PGLYRP1: variants seen among roughly 807,000 people sequenced by gnomAD.
PGLYRP1 encodes the protein peptidoglycan recognition protein 1.
In PGLYRP1, 18 loss-of-function variants were observed where a neutral mutation model predicts 16.3. The ratio of observed to expected loss-of-function variants is 1.11; its 90% CI spans 0.77 to 1.64. PGLYRP1 has a LOEUF of 1.64. Among genes scored for constraint, PGLYRP1 ranks in the 40% most tolerant of loss-of-function variants. The probability of loss-of-function intolerance (pLI) is 0.00; values close to 1 mark genes in which losing one functional copy is unlikely to be tolerated. For missense variants in PGLYRP1, 261 were observed against 268.6 expected (o/e 0.97, Z 0.20); for synonymous variants, 89 against 105.7 (o/e 0.84, Z 0.97).
rs866751496 is a variant in PGLYRP1, at chr19:46,019,366, C to G, written c.463G>C (p.Gly155Arg). ...GACCTCAGGGCTCCCTGAGCCACAC[C>G]GCAGGCCAGTAGACCCTGGGCTGCC... is the stretch of plus-strand genomic sequence containing the variant. ...IRAAQGLLAC[G>R]VAQGALRSNY... Residue 155 changes from glycine (G) to arginine (R), a missense_variant, in exon 3 of 3, where the codon GGT (glycine) becomes CGT (arginine). Gly to Arg is a moderately radical substitution (Grantham distance 125). Transcript: ENST00000008938. The surrounding 1 kb of genome is among the most constrained non-coding windows in gnomAD (Gnocchi z 4.8). 1 of 1,613,822 alleles carries G rather than the reference C, an allele frequency of 6.2e-7. No homozygotes were observed. Among genetic ancestry groups the G allele is most frequent in the Non-Finnish European group, 8.5e-7 (1 of 1,179,954 alleles).
chr19:46,022,885 C>T lies in PGLYRP1; in HGVS notation c.137G>A (p.Cys46Tyr). The T allele has an allele frequency of 6.2e-7, 1 of 1,613,256 alleles. No homozygotes were observed. The change falls in exon 1 of 3, where the codon TGC becomes TAC. Residue 46 changes from cysteine to tyrosine, a missense_variant. Coordinates refer to ENST00000008938, the MANE Select transcript of PGLYRP1 (RefSeq NM_005091.3). ...TAAGGGCAGGCTCAGGTGCTGGGCG[C>T]ACTCTGATGCCAGGGCCTTCCACTC... ...RNEWKALASE[C>Y]AQHLSLPLRY...
rs1270443678 is a variant in PGLYRP1, at chr19:46,019,650, G to T, written c.288-3C>A. 2 of 1,612,386 alleles carry T rather than the reference G, an allele frequency of 1.2e-6. No individual in the cohort carries two copies. The highest frequency in any genetic ancestry group is 4.5e-5 in the East Asian group (2 of 44,864). On this transcript the variant is annotated splice_polypyrimidine_tract_variant and splice_region_variant and intron_variant, in intron 1 of 2. Transcript: ENST00000008938. This position sits in a 1 kb window ranked among gnomAD's most constrained non-coding sequence, Gnocchi z 4.8. The stretch of plus-strand genomic sequence containing the variant: ...GCCCGTCTTCTCCAATCAGGAAGCT[G>T]CATGGGGAGGTGGGGGGGCTTGATG...
intron 1 of PGLYRP1, among the ~76,000 whole-genome samples, chr19:46,022,496 G>A (rs929040560): frequency 3.3e-5 from 5 of 152,372 alleles, no homozygotes; most frequent in East Asian, 1.9e-4. Flanking sequence ...TCCCGGGAGC[G>A]GGAGCGGGGC....
rs775787475 is a variant in PGLYRP1 at position 46,019,667 on chromosome 19, G to T, written c.288-20C>A. 24 of 1,608,354 alleles carry T rather than the reference G, an allele frequency of 1.5e-5. No homozygotes were observed. The Admixed American group carries it at 3.9e-4, about 26-fold the overall frequency. ...AGGAAGCTGCATGGGGAGGTGGGGG[G>T]GCTTGATGAGTGAGGGAGGGTTTCC... On this transcript the variant is annotated intron_variant, in intron 1 of 2. Transcript: ENST00000008938. This position sits in a 1 kb window ranked among gnomAD's most constrained non-coding sequence, Gnocchi z 4.8.
intron 1 of PGLYRP1, among the ~76,000 whole-genome samples, chr19:46,021,922 C>T (rs938220825): frequency 6.6e-6 from 1 of 152,194 alleles, no homozygotes; most frequent in Non-Finnish European, 1.5e-5. Flanking sequence ...TCTGCTCCCC[C>T]ATCCCAGAGC....
chr19:46,019,375 G>A lies in PGLYRP1; in HGVS notation c.454C>T (p.Leu152=), dbSNP rs1368366220. 6.2e-7 allele frequency: 1 copy of A among 1,613,788 alleles called. No individual in the cohort carries two copies. The highest frequency in any genetic ancestry group is 8.5e-7 in the Non-Finnish European group (1 of 1,179,952). The change falls in exon 3 of 3, where the codon CTG becomes TTG. Residue 152 remains leucine, a synonymous_variant. Transcript: ENST00000008938. This position sits in a 1 kb window ranked among gnomAD's most constrained non-coding sequence, Gnocchi z 4.8. ...PQAIRAAQGL[L]ACGVAQGALR... ...GCTCCCTGAGCCACACCGCAGGCCA[G>A]TAGACCCTGGGCTGCCCGGATGGCC...
intron 1 of PGLYRP1, among the ~76,000 whole-genome samples, chr19:46,020,452 A>G (rs1316970290): frequency 6.6e-6 from 1 of 152,116 alleles, no homozygotes; most frequent in East Asian, 1.9e-4. Flanking sequence ...CAGAGAGAGC[A>G]GAGACTCAGA....
chr19:46,022,018 T>G (rs1969049745), intron 1 of PGLYRP1, among the ~76,000 whole-genome samples: 1 of 152,008 alleles, frequency 6.6e-6, no homozygotes. Context: ...GAGGTCACCC[T>G]CCCTCACCTC....
Position 46,019,586 on chromosome 19 carries a change from G to T in PGLYRP1, c.349C>A (p.His117Asn). 6.2e-7 allele frequency: 1 copy of T among 1,613,966 alleles called. No homozygotes were observed. The highest frequency in any genetic ancestry group is 8.5e-7 in the Non-Finnish European group (1 of 1,179,914). Residue 117 changes from histidine (H) to asparagine (N), a missense_variant, in exon 2 of 3, where the codon CAC becomes AAC. Physicochemically the swap from His to Asn is moderately conservative, Grantham distance 68. Transcript: ENST00000008938. The surrounding 1 kb of genome is among the most constrained non-coding windows in gnomAD (Gnocchi z 4.8). ...ATGGGGTTCCATAAGTGACCTGAGT[G>T]GGCACCCGTGAAGTTCCAGCCACGG... The part of the protein sequence containing the change: ...EGRGWNFTGA[H>N]SGHLWNPMSI...
chr19:46,022,480 CCTT>C lies in PGLYRP1; in HGVS notation c.287+252_287+254del, dbSNP rs557998647. Among the ~76,000 whole-genome samples, 3 of 152,378 alleles carry C rather than the reference CCTT, an allele frequency of 2.0e-5. No individual in the cohort carries two copies. In the South Asian group the frequency reaches 6.2e-4, roughly 32 times the overall value. Reference sequence around the variant, plus strand: ...TGGTGTGTGTTAGGCAAAGCCTGCCCCTTCTTCCCGGGAGCGGGAGCGGGGCTT... The same window carrying C: ...TGGTGTGTGTTAGGCAAAGCCTGCCCCTTCCCGGGAGCGGGAGCGGGGCTT... On this transcript the variant is annotated intron_variant, in intron 1 of 2. Coordinates refer to ENST00000008938, the MANE Select transcript of PGLYRP1 (RefSeq NM_005091.3).
chr19:46,022,290 CG>C (rs1162175831), intron 1 of PGLYRP1, among the ~76,000 whole-genome samples: 2 of 152,162 alleles, frequency 1.3e-5, no homozygotes, highest in Admixed American at 6.5e-5. Context: ...TTGACTTTGC[CG>C]AGGAGGAAGC....
In PGLYRP1 at chr19:46,019,176, G is replaced by A. The variant is rs1969015150; in HGVS notation, c.*62C>T. 2 of 1,431,252 alleles carry A rather than the reference G, an allele frequency of 1.4e-6. No homozygotes were observed. Among genetic ancestry groups the A allele is most frequent in the Non-Finnish European group, 2.0e-6 (2 of 1,016,556 alleles). The allele number at this position is 1,431,252 out of a possible 1,614,324, so 88.7% of individuals were successfully genotyped here. ...CATTTTGAGCTACATCTTTATTGGAGAAGGAGACAGTGGGGTTTTTGGCCA... is the reference window on the plus strand; with the variant it reads ...CATTTTGAGCTACATCTTTATTGGAAAAGGAGACAGTGGGGTTTTTGGCCA... On this transcript the variant is annotated 3_prime_UTR_variant, in exon 3 of 3. Coordinates refer to ENST00000008938, the MANE Select transcript of PGLYRP1 (RefSeq NM_005091.3). The surrounding 1 kb of genome is among the most constrained non-coding windows in gnomAD (Gnocchi z 4.8).
In PGLYRP1 at chr19:46,022,755, G is replaced by A. The variant is rs1568702113; in HGVS notation, c.267C>T (p.Gly89=). The change falls in exon 1 of 3, where the codon GGC becomes GGT. Residue 89 remains glycine, a synonymous_variant. Transcript: ENST00000008938. Reference sequence around the variant, plus strand: ...CTCACTTGTAGCCCACGTCGCACCAGCCCAGTGTCTTCATGTGGTAGTGCT... The same window carrying A: ...CTCACTTGTAGCCCACGTCGCACCAACCCAGTGTCTTCATGTGGTAGTGCT... ...NVQHYHMKTL[G]WCDVGYNFLI... 1 of 1,614,208 alleles carries A rather than the reference G, an allele frequency of 6.2e-7. No individual in the cohort carries two copies. Among genetic ancestry groups the A allele is most frequent in the East Asian group, 2.2e-5 (1 of 44,892 alleles).
In PGLYRP1 at chr19:46,022,940, C is replaced by T. The variant is rs759523027; in HGVS notation, c.82G>A (p.Ala28Thr). ...LGAAQETEDP[A>T]CCSPIVPRNE... is the part of the protein sequence containing the mutation. ...CGGGGCACTATGGGGCTGCAGCAGGCCGGGTCTTCTGTCTCCTGAGCCGCT... is the reference window on the plus strand; with the variant it reads ...CGGGGCACTATGGGGCTGCAGCAGGTCGGGTCTTCTGTCTCCTGAGCCGCT... Residue 28 changes from alanine to threonine, a missense_variant, in exon 1 of 3, where the codon GCC (alanine) becomes ACC (threonine). By Grantham distance (58) the Ala-to-Thr change is moderately conservative. Transcript: ENST00000008938. 1 of 1,609,832 alleles carries T rather than the reference C, an allele frequency of 6.2e-7. No homozygotes were observed. Among genetic ancestry groups the T allele is most frequent in the South Asian group, 1.1e-5 (1 of 90,358 alleles).
rs193010326 is a variant in PGLYRP1, at chr19:46,019,791, C to T, written c.288-144G>A. ...ATCCTTCTCACCCGTTAATTTCCCA[C>T]GATAGTAACAATGACTGTGGTCATT... On this transcript the variant is annotated intron_variant, in intron 1 of 2. Coordinates refer to ENST00000008938, the MANE Select transcript of PGLYRP1 (RefSeq NM_005091.3). The surrounding 1 kb of genome is among the most constrained non-coding windows in gnomAD (Gnocchi z 4.8). The T allele has an allele frequency of 3.5e-5, 30 of 857,572 alleles. No individual in the cohort carries two copies. The highest frequency in any genetic ancestry group is 3.6e-4 in the Middle Eastern group (1 of 2,798). 53.1% of individuals were successfully genotyped at this position (857,572 alleles called of 1,614,324 possible). A position where few individuals can be genotyped will look rare whatever the true frequency, so the allele number is the denominator to read the frequency against.
intron 1 of PGLYRP1, 29 bp downstream of exon 1, chr19:46,022,706 T>C (rs778403322): frequency 3.1e-6 from 5 of 1,612,252 alleles, no homozygotes; most frequent in Non-Finnish European, 4.2e-6. Context: ...GGATCCCCAG[T>C]CCAGCCCGTG....
At chr19:46,021,296 CTT>C (rs1461662309) in intron 1 of PGLYRP1, 1 of 152,204 alleles carries the variant, frequency 6.6e-6, no homozygotes, top group Non-Finnish European at 1.5e-5. Flanking sequence ...AAGTTGGAGT[CTT>C]TGATAAAATC....
In PGLYRP1 at chr19:46,022,829, T is replaced by C; in HGVS notation, c.193A>G (p.Ser65Gly). ...CACGAGGCGGGGGTGTTGCAGCTGC[T>C]GCCCGCCGTGTGCGATACCACCACA... ...RYVVVSHTAGSSCNTPASCQQ... is the reference protein window; with the variant it reads ...RYVVVSHTAGGSCNTPASCQQ... The change falls in exon 1 of 3, where the codon AGC becomes GGC. Residue 65 changes from serine to glycine, a missense_variant. Ser to Gly is a moderately conservative substitution (Grantham distance 56). Coordinates refer to ENST00000008938, the MANE Select transcript of PGLYRP1 (RefSeq NM_005091.3). The C allele has an allele frequency of 6.2e-7, 1 of 1,613,768 alleles. No individual in the cohort carries two copies. Among genetic ancestry groups the C allele is most frequent in the Non-Finnish European group, 8.5e-7 (1 of 1,179,848 alleles).
rs1225133120 is a variant in PGLYRP1, at chr19:46,019,802, A to G, written c.288-155T>C. Among the ~76,000 whole-genome samples the G allele has an allele frequency of 2.6e-5, 4 of 152,332 alleles. No homozygotes were observed. The East Asian group carries it at 7.7e-4, about 29-fold the overall frequency. ...CCGTTAATTTCCCACGATAGTAACA[A>G]TGACTGTGGTCATTTATTGGGCCCC... is the stretch of plus-strand genomic sequence containing the variant. On this transcript the variant is annotated intron_variant, in intron 1 of 2. Transcript: ENST00000008938. This position sits in a 1 kb window ranked among gnomAD's most constrained non-coding sequence, Gnocchi z 4.8.
Sources: allele counts gnomAD v4.1 joint callset (sites outside exome capture counted in the v4.1 genomes callset), GRCh38; gene constraint gnomAD v4.1.1; non-coding constraint Gnocchi (gnomAD v3.1); transcripts MANE v1.5; gene names NCBI Gene and HGNC (gene_info 2026-07-23, HGNC 2026-07-21).